Variants in NAV3 observed in about 807,000 individuals in gnomAD.
NAV3 encodes the protein pore membrane and/or filament interacting like protein 1.
A neutral mutation model predicts 244.7 loss-of-function variants in NAV3; 87 were observed. The observed-to-expected ratio is 0.36, with a 90% CI of 0.30 to 0.42. NAV3 has a LOEUF of 0.42. NAV3 is among the 20% of genes least tolerant of loss of function. NAV3 has a pLI of 1.00. For synonymous variants in NAV3, 1,126 were observed against 1,042.2 expected, an observed-to-expected ratio of 1.08 and a Z score of -1.55; for missense variants, 2,663 against 2,893.3, an observed-to-expected ratio of 0.92 and a Z score of 1.83.
intron 2 of NAV3, among the ~76,000 whole-genome samples, chr12:77,692,029 G>A (rs1875057275): frequency 6.6e-6 from 1 of 151,882 alleles, no homozygotes; most frequent in Admixed American, 6.6e-5. Context: ...GTTTATCCGT[G>A]GATGCCAGAT....
At chr12:77,960,343 G>A (rs1044746815) in intron 3 of NAV3, among the ~76,000 whole-genome samples, 1 of 151,666 alleles carries the variant, frequency 6.6e-6, no homozygotes, top group Non-Finnish European at 1.5e-5. Context: ...CTCAGCAATT[G>A]TTTATAGATC....
chr12:78,128,821 G>A lies in NAV3; in HGVS notation c.4396G>A (p.Ala1466Thr), dbSNP rs1346218052. The A allele has an allele frequency of 5.6e-6, 9 of 1,613,852 alleles. No homozygotes were observed. In the Admixed American group the frequency reaches 1.5e-4, roughly 27 times the overall value. The change falls in exon 18 of 40, where the codon GCC (alanine) becomes ACC (threonine). Residue 1466 changes from alanine to threonine, a missense_variant. This residue lies in a region of NAV3 where 354 missense variants were observed against 413.0 expected (regional missense o/e 0.86). Transcript: ENST00000397909. The part of the protein sequence containing the change: ...GNQSPLVSPS[A>T]MSSSAAGKYH... ...CCAGTCACCTCTGGTTTCCCCTTCTGCCATGTCATCTTCTGCAGCTGGAAA... is the reference window on the plus strand; with the variant it reads ...CCAGTCACCTCTGGTTTCCCCTTCTACCATGTCATCTTCTGCAGCTGGAAA...
intron 2 of NAV3, among the ~76,000 whole-genome samples, chr12:77,782,764 A>T: frequency 6.6e-6 from 1 of 152,352 alleles, no homozygotes; most frequent in East Asian, 1.9e-4. Context: ...AGTAGTATCC[A>T]TATGTAATGG....
chr12:77,887,682 T>C (rs1037538282), intron 1 of NAV3, among the ~76,000 whole-genome samples: 1 of 152,172 alleles, frequency 6.6e-6, no homozygotes, highest in African/African-American at 2.4e-5. Context: ...GAGAGACTTA[T>C]TTAGAGAGTG....
chr12:78,131,223 C>G (rs535332146), intron 18 of NAV3, among the ~76,000 whole-genome samples: 2 of 152,280 alleles, frequency 1.3e-5, no homozygotes, highest in African/African-American at 4.8e-5. Context: ...CTATTGCAAC[C>G]CTTCCCACTA....
Position 78,210,344 on chromosome 12 carries a change from G to A in NAV3, c.7039-54G>A, listed in dbSNP as rs866508599. Reference sequence around the variant, plus strand: ...TGGCTCAGGGCCTTGTTTTTTATGGGCTGGCTTACTCAATGCATCATTGCC... The same window carrying A: ...TGGCTCAGGGCCTTGTTTTTTATGGACTGGCTTACTCAATGCATCATTGCC... On this transcript the variant is annotated intron_variant, in intron 39 of 39. Transcript: ENST00000397909. 3 of 1,608,080 alleles carry A rather than the reference G, an allele frequency of 1.9e-6. No individual in the cohort carries two copies. In the Middle Eastern group the frequency reaches 5.1e-4, roughly 273 times the overall value.
At chr12:77,594,780 A>G (rs953483398) in intron 2 of NAV3, among the ~76,000 whole-genome samples, 6 of 152,210 alleles carry the variant, frequency 3.9e-5, no homozygotes, top group Non-Finnish European at 8.8e-5. Flanking sequence ...GTAAATAGCC[A>G]TTCTTTTTCT....
chr12:77,809,382 C>T (rs1872168372), intron 2 of NAV3, among the ~76,000 whole-genome samples: 1 of 152,198 alleles, frequency 6.6e-6, no homozygotes. Flanking sequence ...ATGCACCTTT[C>T]CTCACAGCAC....
chr12:77,928,116 G>A lies in NAV3; in HGVS notation c.244-12203G>A, dbSNP rs529645316. ...TGTGCGCCTGTAATCCCAGCTACTC[G>A]GGAGACTGAGGGGAGGGAATTGCTT... On this transcript the variant is annotated intron_variant, in intron 1 of 39. Transcript: ENST00000397909. Among the ~76,000 whole-genome samples, 6 of 151,524 alleles carry A rather than the reference G, an allele frequency of 4.0e-5. No individual in the cohort carries two copies. The South Asian group carries it at 1.3e-3, about 32-fold the overall frequency.
At chr12:78,118,335 T>C in intron 14 of NAV3, 38 bp downstream of exon 14, 1 of 1,561,002 alleles carries the variant, frequency 6.4e-7, no homozygotes, top group Non-Finnish European at 8.7e-7. Flanking sequence ...GCAAAAGTGC[T>C]TTACTTTATT....
intron 1 of NAV3, among the ~76,000 whole-genome samples, chr12:77,839,164 A>T (rs1469441711): frequency 1.3e-5 from 2 of 152,242 alleles, no homozygotes; most frequent in Non-Finnish European, 2.9e-5. Flanking sequence ...AGGTTTCACA[A>T]TTAAACTGTT....
intron 7 of NAV3, among the ~76,000 whole-genome samples, chr12:77,998,913 T>C (rs1872784673): frequency 1.3e-5 from 2 of 152,204 alleles, no homozygotes; most frequent in Admixed American, 1.3e-4. Flanking sequence ...AGTAGGTTTT[T>C]ATCTTTGCAA....
chr12:77,636,973 C>T (rs1872185646), intron 2 of NAV3, among the ~76,000 whole-genome samples: 1 of 151,890 alleles, frequency 6.6e-6, no homozygotes, highest in South Asian at 2.1e-4. Context: ...GGGAACATCA[C>T]ACACTGGGGC....
At chr12:77,820,841 A>G (rs1486619763) in intron 2 of NAV3, among the ~76,000 whole-genome samples, 1 of 152,188 alleles carries the variant, frequency 6.6e-6, no homozygotes, top group Non-Finnish European at 1.5e-5. Flanking sequence ...ATTTCCTTAA[A>G]GTGACTATAT....
chr12:77,715,165 C>T (rs1158798286), intron 2 of NAV3, among the ~76,000 whole-genome samples: 3 of 151,836 alleles, frequency 2.0e-5, no homozygotes, highest in African/African-American at 7.2e-5. Context: ...TAAATCCATA[C>T]AGCAAAGAAG....
intron 1 of NAV3, among the ~76,000 whole-genome samples, chr12:77,837,000 G>A (rs1874761402): frequency 6.6e-6 from 1 of 151,972 alleles, no homozygotes; most frequent in African/African-American, 2.4e-5. Flanking sequence ...CACAAAAACA[G>A]TAGTTAAAAT....
intron 1 of NAV3, among the ~76,000 whole-genome samples, chr12:77,836,860 A>G (rs949503672): frequency 1.4e-4 from 22 of 152,130 alleles, no homozygotes; most frequent in Admixed American, 4.6e-4. Flanking sequence ...AGAGGCGTTT[A>G]TGTCCATGGT....
chr12:77,612,846 A>G (rs1177999282), intron 2 of NAV3, among the ~76,000 whole-genome samples: 2 of 151,974 alleles, frequency 1.3e-5, no homozygotes, highest in African/African-American at 4.8e-5. Flanking sequence ...TTGGTGGGAG[A>G]TATTTGAATC....
chr12:77,753,990 C>T (rs978874662), intron 2 of NAV3, among the ~76,000 whole-genome samples: 2 of 152,032 alleles, frequency 1.3e-5, no homozygotes, highest in African/African-American at 4.8e-5. Flanking sequence ...TATCTTGAGT[C>T]TTGTCATATA....
Sources: gnomAD v4.1 joint callset for allele counts (sites outside exome capture counted in the v4.1 genomes callset) on GRCh38, gnomAD v4.1.1 for gene constraint, gnomAD v4.1.1 regional missense constraint, MANE v1.5 for transcripts, NCBI Gene and HGNC (gene_info 2026-07-23, HGNC 2026-07-21) for gene names.